Variants in POLB observed in about 807,000 individuals in gnomAD.
The protein encoded by POLB is 5'-dRP lyase.
In POLB, 37 loss-of-function variants were observed where a neutral mutation model predicts 52.7. The ratio of observed to expected loss-of-function variants is 0.70; its 90% CI spans 0.54 to 0.92. The LOEUF (loss-of-function observed/expected upper bound fraction) is 0.92, where lower values mean the gene tolerates loss of function less well. POLB is among the 40% of genes least tolerant of loss of function. The pLI is 0.00. For missense variants in POLB, 313 were observed against 400.8 expected (o/e 0.78, Z 1.87); for synonymous variants, 138 against 131.3 (o/e 1.05, Z -0.35).
chr8:42,355,363 T>G, intron 6 of POLB, 153 bp from the exon 7 acceptor site: 1 of 605,598 alleles, frequency 1.7e-6, no homozygotes, highest in East Asian at 2.7e-5. Context: ...TATCTAGCTC[T>G]TCATATCTGA....
At chr8:42,348,922 A>T (rs1468366657) in intron 3 of POLB, 94 bp from the exon 4 acceptor site, 6 of 671,678 alleles carry the variant, frequency 8.9e-6, no homozygotes, top group African/African-American at 1.9e-5. Context: ...CATGGTATTC[A>T]TTTGTTTTTC....
chr8:42,370,542 A>G (rs1824318759), intron 13 of POLB, among the ~76,000 whole-genome samples: 1 of 152,150 alleles, frequency 6.6e-6, no homozygotes, highest in East Asian at 1.9e-4. Context: ...TCAAAGTATA[A>G]AATACCTCAT....
chr8:42,369,104 TAGAA>T, intron 11 of POLB, 163 bp from the exon 12 acceptor site: 1 of 473,700 alleles, frequency 2.1e-6, no homozygotes, highest in Non-Finnish European at 3.7e-6. Flanking sequence ...TGAAGTGTAA[TAGAA>T]AGGTAGGGAT....
At chr8:42,365,518 C>T (rs562981565) in intron 11 of POLB, among the ~76,000 whole-genome samples, 1 of 152,300 alleles carries the variant, frequency 6.6e-6, no homozygotes, top group East Asian at 1.9e-4. Flanking sequence ...ACAGTATCTG[C>T]TAGACAAGTT....
chr8:42,341,382 AAT>A (rs1241040582), intron 2 of POLB, among the ~76,000 whole-genome samples: 3 of 152,182 alleles, frequency 2.0e-5, no homozygotes, highest in Non-Finnish European at 4.4e-5. Context: ...TTTACTTATA[AAT>A]ATGTCTTTTC....
chr8:42,367,159 T>G (rs1206192272), intron 11 of POLB, among the ~76,000 whole-genome samples: 1 of 152,234 alleles, frequency 6.6e-6, no homozygotes, highest in Non-Finnish European at 1.5e-5. Flanking sequence ...CAGGCACTGT[T>G]CTCGAAGCTT....
chr8:42,367,157 G>A (rs1392306083), intron 11 of POLB, among the ~76,000 whole-genome samples: 1 of 152,190 alleles, frequency 6.6e-6, no homozygotes, highest in African/African-American at 2.4e-5. Context: ...TCCAGGCACT[G>A]TTCTCGAAGC....
At chr8:42,359,096 A>ACT (rs1177653903) in intron 9 of POLB, among the ~76,000 whole-genome samples, 1 of 151,758 alleles carries the variant, frequency 6.6e-6, no homozygotes, top group Non-Finnish European at 1.5e-5. Context: ...AAAAAGGTAT[A>ACT]CTCTAAGACA....
intron 9 of POLB, chr8:42,358,039 T>A (rs1219168389): frequency 6.6e-6 from 1 of 152,058 alleles, no homozygotes; most frequent in East Asian, 1.9e-4. Flanking sequence ...AAGTTTTCTA[T>A]AAGAGAGCTA....
At chr8:42,341,243 A>G (rs1451801463) in intron 2 of POLB, among the ~76,000 whole-genome samples, 2 of 152,300 alleles carry the variant, frequency 1.3e-5, no homozygotes, top group East Asian at 1.9e-4. Context: ...ACCCAAATAC[A>G]TCATAGCATA....
intron 7 of POLB, among the ~76,000 whole-genome samples, chr8:42,356,483 C>G (rs1419716965): frequency 2.0e-5 from 3 of 152,140 alleles, no homozygotes; most frequent in Admixed American, 2.0e-4. Context: ...AATTCAGTGA[C>G]TTTTAGTATA....
At chr8:42,366,448 A>G (rs151270369) in intron 11 of POLB, among the ~76,000 whole-genome samples, 14 of 152,342 alleles carry the variant, frequency 9.2e-5, no homozygotes, top group Non-Finnish European at 1.9e-4. Context: ...AGAACAAGAA[A>G]CTAAGGCCTT....
At chr8:42,343,278 C>A (rs536470757) in intron 2 of POLB, among the ~76,000 whole-genome samples, 1 of 137,688 alleles carries the variant, frequency 7.3e-6, no homozygotes, top group East Asian at 2.2e-4. Flanking sequence ...GCCGAGATTG[C>A]GCCACTGCAC....
At chr8:42,370,776 C>T (rs995054422) in intron 13 of POLB, among the ~76,000 whole-genome samples, 1 of 152,156 alleles carries the variant, frequency 6.6e-6, no homozygotes, top group African/African-American at 2.4e-5. Flanking sequence ...CTAACACTCA[C>T]GATAGCTGAT....
intron 9 of POLB, among the ~76,000 whole-genome samples, chr8:42,360,580 GAAAA>G (rs759381994): frequency 6.6e-6 from 1 of 151,436 alleles, no homozygotes; most frequent in Non-Finnish European, 1.5e-5. Context: ...TTGCAACACT[GAAAA>G]AAAAGTAAAA....
chr8:42,348,641 C>A (rs1484320507), intron 3 of POLB, among the ~76,000 whole-genome samples: 2 of 152,214 alleles, frequency 1.3e-5, no homozygotes, highest in Admixed American at 1.3e-4. Context: ...AGCTTGACAA[C>A]CTCTGTTCTA....
rs113300731 is a variant in POLB at position 42,361,276 on chromosome 8, G to C, written c.551-19G>C. The C allele has an allele frequency of 6.3e-7, 1 of 1,582,730 alleles. No individual in the cohort carries two copies. ...TACATTTACATGGACAATCTCATAT[G>C]TGTCTTCTGTCATCACAGGTGCAGA... On this transcript the variant is annotated intron_variant, in intron 9 of 13. Transcript: ENST00000265421.
intron 2 of POLB, among the ~76,000 whole-genome samples, chr8:42,343,803 T>G (rs1467370036): frequency 1.3e-5 from 2 of 152,130 alleles, no homozygotes; most frequent in East Asian, 1.9e-4. Context: ...TAAATTCAGT[T>G]ATTCTCAAAT....
At chr8:42,352,915 A>C (rs1473086423) in intron 6 of POLB, among the ~76,000 whole-genome samples, 1 of 151,768 alleles carries the variant, frequency 6.6e-6, no homozygotes, top group Non-Finnish European at 1.5e-5. Context: ...TCTCTACTAA[A>C]AATACAAAAT....
Sources: allele counts gnomAD v4.1 joint callset (sites outside exome capture counted in the v4.1 genomes callset), GRCh38; gene constraint gnomAD v4.1.1; transcripts MANE v1.5; gene names NCBI Gene and HGNC (gene_info 2026-07-23, HGNC 2026-07-21).